The following SLC16A12 variants were observed in gnomAD, a reference collection of about 807,000 sequenced individuals.
SLC16A12 encodes the protein solute carrier family 16 member 12, also known as monocarboxylate transporter 12.
Under a neutral mutation model 42.4 loss-of-function variants are expected in SLC16A12, and 17 were observed. The observed-to-expected ratio is 0.40, with a 90% CI of 0.27 to 0.60. The LOEUF is 0.60. Among genes scored for constraint, SLC16A12 ranks in the 20% least tolerant of loss-of-function variants. The pLI is 0.42. For synonymous variants in SLC16A12, 224 were observed against 229.4 expected (o/e 0.98, Z 0.21); for missense variants, 544 against 623.0 (o/e 0.87, Z 1.35).
At chr10:89,453,169 A>C (rs1842123567) in intron 3 of SLC16A12, among the ~76,000 whole-genome samples, 1 of 152,240 alleles carries the variant, frequency 6.6e-6, no homozygotes, top group South Asian at 2.1e-4. Flanking sequence ...AACTTGGAGT[A>C]CTAAACAGTC....
intron 2 of SLC16A12, among the ~76,000 whole-genome samples, chr10:89,552,818 C>T (rs1233707113): frequency 3.3e-5 from 5 of 152,280 alleles, no homozygotes; most frequent in African/African-American, 4.8e-5. Context: ...GCTTTCCTCT[C>T]GGAGTGTCAG....
chr10:89,435,103 T>C (rs990660793), intron 7 of SLC16A12, among the ~76,000 whole-genome samples: 6 of 152,262 alleles, frequency 3.9e-5, no homozygotes, highest in African/African-American at 1.4e-4. Context: ...TGCTTCACTC[T>C]ATAGCATTTT....
intron 2 of SLC16A12, among the ~76,000 whole-genome samples, chr10:89,513,771 C>T (rs185727769): frequency 2.6e-5 from 4 of 152,262 alleles, no homozygotes; most frequent in African/African-American, 9.6e-5. Context: ...TTAGCCCTGA[C>T]CCCAAAGAAA....
At chr10:89,537,153 T>TG (rs1564604027), upstream of SLC16A12, among the ~76,000 whole-genome samples, 40 of 150,624 alleles carry the variant, frequency 2.7e-4, no homozygotes, top group East Asian at 4.3e-3. Context: ...ATGTTTTTTT[T>TG]TTTTTTTTTT....
chr10:89,448,867 C>T (rs1005457947), intron 3 of SLC16A12, among the ~76,000 whole-genome samples: 1 of 152,222 alleles, frequency 6.6e-6, no homozygotes, highest in African/African-American at 2.4e-5. Context: ...CCCATCGTCT[C>T]AGCCCAAAAG....
At chr10:89,554,573 CAA>C (rs1843797632) in intron 2 of SLC16A12, among the ~76,000 whole-genome samples, 1 of 152,166 alleles carries the variant, frequency 6.6e-6, no homozygotes, top group Non-Finnish European at 1.5e-5. Context: ...AGATGGAGGA[CAA>C]AGTGTTTGCT....
chr10:89,441,262 A>C lies in SLC16A12; in HGVS notation c.305-11T>G. On this transcript the variant is annotated splice_polypyrimidine_tract_variant and intron_variant, in intron 4 of 7. Transcript: ENST00000371790. ...CACTCCCAAGTGGAGCTTCAAAAAC[A>C]ATAAGAAATAGGTTCAACAGAAAGG... The C allele has an allele frequency of 1.2e-6, 2 of 1,614,036 alleles. No homozygotes were observed. Among genetic ancestry groups the C allele is most frequent in the Non-Finnish European group, 1.7e-6 (2 of 1,179,930 alleles).
intron 2 of SLC16A12, among the ~76,000 whole-genome samples, chr10:89,516,106 G>A (rs896870468): frequency 6.6e-6 from 1 of 152,182 alleles, no homozygotes. Flanking sequence ...GAACACACCG[G>A]TGTGTCCGAC....
chr10:89,491,678 C>A (rs910424104), intron 2 of SLC16A12, among the ~76,000 whole-genome samples: 4 of 152,124 alleles, frequency 2.6e-5, no homozygotes, highest in Non-Finnish European at 5.9e-5. Flanking sequence ...AAGTTTTTAT[C>A]ATGTGTGTGA....
intron 2 of SLC16A12, among the ~76,000 whole-genome samples, chr10:89,481,664 T>TGTGTGTGTGA (rs559651910): frequency 1.1e-4 from 16 of 139,636 alleles, no homozygotes; most frequent in African/African-American, 4.2e-4. Flanking sequence ...TGTGTGTGTG[T>TGTGTGTGTGA]GAGAGAGAGA....
rs1236261780 is a variant in SLC16A12 at position 89,430,843 on chromosome 10, G to A, written c.*2221C>T. On this transcript the variant is annotated 3_prime_UTR_variant, in exon 8 of 8. Transcript: ENST00000371790. ...TGCAGAACCACATAAACAAAATTTT[G>A]TTGTGATCATGATAAAAAATATGTA... The A allele has an allele frequency of 2.6e-6, 1 of 389,746 alleles. No individual in the cohort carries two copies. The highest frequency in any genetic ancestry group is 5.1e-6 in the Non-Finnish European group (1 of 197,738). The allele number at this position is 389,746 out of a possible 1,614,324, so 24.1% of individuals were successfully genotyped here.
intron 2 of SLC16A12, among the ~76,000 whole-genome samples, chr10:89,509,375 C>T (rs1843125953): frequency 2.0e-5 from 3 of 152,298 alleles, no homozygotes; most frequent in East Asian, 1.9e-4. Context: ...TCCAGTGGCA[C>T]ATCAAAAAGC....
intron 2 of SLC16A12, among the ~76,000 whole-genome samples, chr10:89,490,926 T>C (rs1168636451): frequency 6.6e-6 from 1 of 152,192 alleles, no homozygotes; most frequent in Non-Finnish European, 1.5e-5. Flanking sequence ...TAGCTTGTTA[T>C]GAATAACAAA....
intron 2 of SLC16A12, among the ~76,000 whole-genome samples, chr10:89,519,748 A>T (rs561020430): frequency 6.6e-6 from 1 of 152,172 alleles, no homozygotes; most frequent in African/African-American, 2.4e-5. Flanking sequence ...GGGGGGTCCG[A>T]GGAAAAGAAT....
At chr10:89,534,673 C>CAAAAAAAA (rs1196402951) in intron 1 of SLC16A12, 33 bp from the exon 2 acceptor site, 12 of 122,768 alleles carry the variant, frequency 9.8e-5, no homozygotes, top group African/African-American at 1.6e-4. Context: ...AAAAAAAAAT[C>CAAAAAAAA]CAAAAATTAG....
chr10:89,535,081 A>G (rs7917528), intron 1 of SLC16A12, among the ~76,000 whole-genome samples: 16,698 of 151,854 alleles, frequency 0.11, 1,554 homozygotes, highest in African/African-American at 0.25. Context: ...GAGGTGGGGG[A>G]CGGGGAGAGA....
At chr10:89,530,536 G>C (rs1451750895) in intron 2 of SLC16A12, among the ~76,000 whole-genome samples, 1 of 151,814 alleles carries the variant, frequency 6.6e-6, no homozygotes, top group African/African-American at 2.4e-5. Flanking sequence ...TCCTGCCTCA[G>C]CCTCCCGAGT....
rs551863048 is a variant in SLC16A12 at position 89,554,827 on chromosome 10, C to G, written c.-47+1055G>C. Among the ~76,000 whole-genome samples the G allele has an allele frequency of 2.6e-5, 4 of 152,312 alleles. No homozygotes were observed. In the East Asian group the frequency reaches 7.7e-4, roughly 29 times the overall value. Reference sequence around the variant, plus strand: ...CTTATTTATGTTAGCTATCTGGCCCCTCTAGCCCTCTAGCCATCTGAATTT... The same window carrying G: ...CTTATTTATGTTAGCTATCTGGCCCGTCTAGCCCTCTAGCCATCTGAATTT... On this transcript the variant is annotated intron_variant, in intron 2 of 2. Coordinates refer to the SLC16A12 transcript ENST00000475682.
At chr10:89,487,806 T>C (rs1261166850) in intron 2 of SLC16A12, among the ~76,000 whole-genome samples, 3 of 65,354 alleles carry the variant, frequency 4.6e-5, no homozygotes, top group Admixed American at 1.7e-4. Context: ...AGCGATTCTG[T>C]CTCAAAAAAA....
Sources: gnomAD v4.1 joint callset for allele counts (sites outside exome capture counted in the v4.1 genomes callset) on GRCh38, gnomAD v4.1.1 for gene constraint, MANE v1.5 for transcripts, NCBI Gene and HGNC (gene_info 2026-07-23, HGNC 2026-07-21) for gene names.